The following CNGB1 variants were observed in gnomAD, a reference collection of about 807,000 sequenced individuals.
The protein encoded by CNGB1 is cyclic nucleotide gated channel subunit beta 1, also known as cyclic nucleotide-gated channel beta-1.
In CNGB1, 126 loss-of-function variants were observed where a neutral mutation model predicts 151.7. The ratio of observed to expected loss-of-function variants is 0.83; its 90% CI spans 0.72 to 0.96. The LOEUF (loss-of-function observed/expected upper bound fraction) is 0.96. Among genes scored for constraint, CNGB1 ranks in the 40% least tolerant of loss-of-function variants. CNGB1 has a pLI of 0.00. For synonymous variants in CNGB1, 623 were observed against 635.1 expected (o/e 0.98, Z 0.29); for missense variants, 1,698 against 1,627.0 (o/e 1.04, Z -0.75).
chr16:57,912,911 C>A lies in CNGB1; in HGVS notation c.2369+19G>T. The A allele has an allele frequency of 3.7e-6, 6 of 1,613,142 alleles. No homozygotes were observed. The highest frequency in any genetic ancestry group is 5.1e-6 in the Non-Finnish European group (6 of 1,179,262). On this transcript the variant is annotated intron_variant, in intron 24 of 32. Coordinates refer to ENST00000251102, the MANE Select transcript of CNGB1 (RefSeq NM_001297.5). ...TGTCATGTGTGTGTGCATGCATGCACATGCAGGGGGAGTCTCACCTGTACA... is the reference window on the plus strand; with the variant it reads ...TGTCATGTGTGTGTGCATGCATGCAAATGCAGGGGGAGTCTCACCTGTACA...
chr16:57,931,728 G>C lies in CNGB1; in HGVS notation c.1523C>G (p.Ser508Trp), dbSNP rs539534716. 1.2e-6 allele frequency: 2 copies of C among 1,614,122 alleles called. No individual in the cohort carries two copies. Among genetic ancestry groups the C allele is most frequent in the African/African-American group, 1.3e-5 (1 of 75,024 alleles). ...SDTLIVPSSASGTHRKKLPSE... is the reference protein window; with the variant it reads ...SDTLIVPSSAWGTHRKKLPSE... ...CATAAAAGGTAACCTGTGTGTCCCC[G>C]AGGCTGAGCTTGGGACTATAAGGGT... Residue 508 changes from serine (S) to tryptophan (W), a missense_variant, in exon 17 of 33, where the codon TCG becomes TGG. By Grantham distance (177) the Ser-to-Trp change is radical. Coordinates refer to ENST00000251102, the MANE Select transcript of CNGB1 (RefSeq NM_001297.5).
At chr16:57,937,846 A>G (rs1474931798) in intron 16 of CNGB1, among the ~76,000 whole-genome samples, 1 of 152,208 alleles carries the variant, frequency 6.6e-6, no homozygotes, top group Admixed American at 6.5e-5. Flanking sequence ...TCTGTTACCC[A>G]GGCCCATTCC....
In CNGB1 at chr16:57,903,953, G is replaced by A. The variant is rs766577065; in HGVS notation, c.2663C>T (p.Ala888Val). The A allele has an allele frequency of 1.5e-5, 24 of 1,613,950 alleles. No homozygotes were observed. In the East Asian group the frequency reaches 2.2e-4, roughly 15 times the overall value. The change falls in exon 27 of 33, where the codon GCC becomes GTC. Residue 888 changes from alanine to valine, a missense_variant. Ala to Val is a moderately conservative substitution (Grantham distance 64). Transcript: ENST00000251102. ...QMRDVVGAAT[A>V]GQTYYRSCMD... ...GCAGCTGCGGTAGTAGGTCTGTCCG[G>A]CGGTGGCGGCCCCTACCACATCTCT...
rs3842348 is a variant in CNGB1, at chr16:57,912,110, A to ATG, written c.2370-237_2370-236dup. 1.5e-4 allele frequency among the ~76,000 whole-genome samples: 22 copies of ATG among 151,056 alleles called. No individual in the cohort carries two copies. In the South Asian group the frequency reaches 1.5e-3, roughly 10 times the overall value. On this transcript the variant is annotated intron_variant, in intron 24 of 32. Transcript: ENST00000251102. Reference sequence around the variant, plus strand: ...GGGGGATGGAGGGGCCAGAGGGGAAATGTGTGTGTGTGTGTGGAGGAGCAG... The same window carrying ATG: ...GGGGGATGGAGGGGCCAGAGGGGAAATGTGTGTGTGTGTGTGTGGAGGAGCAG...
At chr16:57,889,281 G>A (rs1285406312) in intron 31 of CNGB1, among the ~76,000 whole-genome samples, 1 of 152,200 alleles carries the variant, frequency 6.6e-6, no homozygotes, top group African/African-American at 2.4e-5. Context: ...GGGATTACAG[G>A]CACGAGCCAC....
chr16:57,892,905 C>T (rs140623556), intron 31 of CNGB1, among the ~76,000 whole-genome samples: 2 of 152,140 alleles, frequency 1.3e-5, no homozygotes, highest in African/African-American at 2.4e-5. Flanking sequence ...CGTCACTTCC[C>T]GCTCCTCCCG....
At chr16:57,956,051 T>C (rs1382469662) in intron 12 of CNGB1, among the ~76,000 whole-genome samples, 1 of 152,312 alleles carries the variant, frequency 6.6e-6, no homozygotes, top group Admixed American at 6.5e-5. Context: ...ATAACCCATA[T>C]GCTCCAGGCA....
chr16:57,904,901 T>G (rs773428874), intron 25 of CNGB1, 26 bp from the exon 26 acceptor site: 1 of 1,614,078 alleles, frequency 6.2e-7, no homozygotes, highest in Non-Finnish European at 8.5e-7. Flanking sequence ...AAAGGGAACA[T>G]GGGTCATCAC....
intron 7 of CNGB1, 143 bp from the exon 8 acceptor site, chr16:57,961,058 T>A: frequency 1.3e-6 from 1 of 764,382 alleles, no homozygotes; most frequent in Non-Finnish European, 2.2e-6. Flanking sequence ...CTGGAAACTC[T>A]CAAAGGGCCC....
chr16:57,947,765 C>T (rs1003291240), intron 14 of CNGB1, among the ~76,000 whole-genome samples: 17 of 152,304 alleles, frequency 1.1e-4, no homozygotes, highest in Non-Finnish European at 2.2e-4. Flanking sequence ...CGAAAAGAGG[C>T]CACTGGGGGA....
chr16:57,903,705 G>A lies in CNGB1; in HGVS notation c.2794+117C>T, dbSNP rs547245180. The A allele has an allele frequency of 1.8e-3, 2,286 of 1,272,282 alleles. 66 individuals are homozygous for A. The South Asian group carries it at 0.027, about 15-fold the overall frequency. The allele number at this position is 1,272,282 out of a possible 1,614,324, so 78.8% of individuals were successfully genotyped here. ...GGGGACACAGCCAAGACAGGCCCCAGTACTCGGGACCTCAGAGACACAGAG... is the reference window on the plus strand; with the variant it reads ...GGGGACACAGCCAAGACAGGCCCCAATACTCGGGACCTCAGAGACACAGAG... On this transcript the variant is annotated intron_variant, in intron 27 of 32. Coordinates refer to ENST00000251102, the MANE Select transcript of CNGB1 (RefSeq NM_001297.5).
At chr16:57,955,189 G>T (rs1215951531) in intron 12 of CNGB1, 6 of 1,520,256 alleles carry the variant, frequency 3.9e-6, no homozygotes, top group South Asian at 1.2e-5. Flanking sequence ...CCCTTGTCCT[G>T]CCTGGGAGTG....
intron 20 of CNGB1, among the ~76,000 whole-genome samples, chr16:57,917,901 A>G (rs1217638481): frequency 2.6e-5 from 4 of 151,960 alleles, no homozygotes; most frequent in African/African-American, 9.7e-5. Context: ...TTATAAGATA[A>G]TAGGCAGCCA....
chr16:57,940,386 C>CAGGGCTGGGGAAA, intron 14 of CNGB1, 65 bp from the exon 15 acceptor site: 1 of 1,490,606 alleles, frequency 6.7e-7, no homozygotes, highest in Non-Finnish European at 9.1e-7. Flanking sequence ...GTTTCCCCAG[C>CAGGGCTGGGGAAA]CCTGCTGAGG....
chr16:57,914,710 G>A (rs1272390917), intron 23 of CNGB1, among the ~76,000 whole-genome samples: 1 of 152,174 alleles, frequency 6.6e-6, no homozygotes, highest in Non-Finnish European at 1.5e-5. Flanking sequence ...AGTGCCAGAA[G>A]GAATGGCTGG....
At chr16:57,962,913 G>A (rs1173168453) in intron 5 of CNGB1, 41 bp from the exon 6 acceptor site, 9 of 1,612,184 alleles carry the variant, frequency 5.6e-6, no homozygotes, top group Non-Finnish European at 7.6e-6. Flanking sequence ...GGGAGCCCAA[G>A]GGCAGCCTCC....
At chr16:57,934,585 G>A (rs550313889) in intron 16 of CNGB1, among the ~76,000 whole-genome samples, 1 of 152,310 alleles carries the variant, frequency 6.6e-6, no homozygotes, top group East Asian at 1.9e-4. Context: ...TTTCCCAAGT[G>A]TGGGGCTCCC....
intron 9 of CNGB1, 66 bp downstream of exon 9, chr16:57,960,416 A>C: frequency 1.3e-6 from 2 of 1,574,154 alleles, no homozygotes; most frequent in East Asian, 4.6e-5. Flanking sequence ...TCCAGGGCCC[A>C]GTTGATCCCT....
Position 57,917,341 on chromosome 16 carries a change from C to A in CNGB1, c.2093G>T (p.Cys698Phe). ...IHHWLLMDYL[C>F]DLIYFLDITV... ...GATGTCCAGGAAGTAGATGAGGTCG[C>A]ATAGGTAATCCATCAGCAGCCAGTG... Residue 698 changes from cysteine (C) to phenylalanine (F), a missense_variant, in exon 21 of 33, where the codon TGC (cysteine) becomes TTC (phenylalanine). Physicochemically the swap from Cys to Phe is radical, Grantham distance 205. Transcript: ENST00000251102. 1.2e-6 allele frequency: 2 copies of A among 1,614,070 alleles called. No homozygotes were observed. The highest frequency in any genetic ancestry group is 1.7e-6 in the Non-Finnish European group (2 of 1,180,028).
Sources: gnomAD v4.1 joint callset for allele counts (sites outside exome capture counted in the v4.1 genomes callset) on GRCh38, gnomAD v4.1.1 for gene constraint, MANE v1.5 for transcripts, NCBI Gene and HGNC (gene_info 2026-07-23, HGNC 2026-07-21) for gene names.